Variants in SORCS1 observed in about 807,000 individuals in gnomAD.
SORCS1 encodes the protein VPS10 domain-containing receptor SorCS1.
In SORCS1, 60 loss-of-function variants were observed where a neutral mutation model predicts 146.1. The observed-to-expected ratio is 0.41, with a 90% CI of 0.33 to 0.51. SORCS1 has a LOEUF of 0.51. Among genes scored for constraint, SORCS1 ranks in the 20% least tolerant of loss-of-function variants. SORCS1 has a pLI of 0.21. For missense variants in SORCS1, 1,352 were observed against 1,487.6 expected, an observed-to-expected ratio of 0.91 and a Z score of 1.50; for synonymous variants, 637 against 584.0, an observed-to-expected ratio of 1.09 and a Z score of -1.31.
At chr10:106,735,162 A>AAAAAT in intron 5 of SORCS1, among the ~76,000 whole-genome samples, 2 of 151,700 alleles carry the variant, frequency 1.3e-5, no homozygotes, top group Admixed American at 6.6e-5. Context: ...AAAAAAAAAA[A>AAAAAT]TTCTTGACAT....
intron 1 of SORCS1, among the ~76,000 whole-genome samples, chr10:107,075,704 T>C (rs916267518): frequency 2.0e-5 from 3 of 152,070 alleles, no homozygotes; most frequent in Admixed American, 6.5e-5. Flanking sequence ...TAAAAATATA[T>C]ATATGGGTAG....
At position 107,164,676 on chromosome 10, in the gene SORCS1, G is replaced by T; in HGVS notation, c.-150C>A. ...GGGCGGGCGGAGGCGGCGCCGGGCA[G>T]GTGGCGGCCGCTTGCCCGGGCTGGG... is the stretch of plus-strand genomic sequence containing the variant. On this transcript the variant is annotated 5_prime_UTR_variant, in exon 1 of 26. The change creates a new upstream start codon in the 5' untranslated region. Coordinates refer to ENST00000263054, the MANE Select transcript of SORCS1 (RefSeq NM_052918.5). The surrounding 1 kb of genome is among the most constrained non-coding windows in gnomAD (Gnocchi z 6.8). The T allele has an allele frequency of 1.7e-6, 1 of 580,988 alleles. No homozygotes were observed. The highest frequency in any genetic ancestry group is 2.5e-6 in the Non-Finnish European group (1 of 393,684). The allele number at this position is 580,988 out of a possible 1,614,324, so 36.0% of individuals were successfully genotyped here. A position where few individuals can be genotyped will look rare whatever the true frequency, so the allele number is the denominator to read the frequency against.
chr10:107,002,414 A>G (rs890598975), intron 1 of SORCS1, among the ~76,000 whole-genome samples: 8 of 152,146 alleles, frequency 5.3e-5, no homozygotes, highest in African/African-American at 1.9e-4. Flanking sequence ...CCTACCTGAG[A>G]CTAATTTAGG....
intron 2 of SORCS1, among the ~76,000 whole-genome samples, chr10:106,935,306 C>A (rs1181267633): frequency 6.6e-6 from 1 of 152,000 alleles, no homozygotes; most frequent in Admixed American, 6.6e-5. Flanking sequence ...TTATTATTAT[C>A]CCTAATATAG....
chr10:107,151,664 C>A (rs1968809837), intron 1 of SORCS1, among the ~76,000 whole-genome samples: 1 of 152,164 alleles, frequency 6.6e-6, no homozygotes, highest in Non-Finnish European at 1.5e-5. Flanking sequence ...AGATACAATT[C>A]TAGTGGAGAT....
At chr10:106,860,163 T>C (rs1448931087) in intron 2 of SORCS1, among the ~76,000 whole-genome samples, 1 of 152,218 alleles carries the variant, frequency 6.6e-6, no homozygotes, top group Non-Finnish European at 1.5e-5. Context: ...CAAATGCATA[T>C]GCAAAATGTA....
chr10:106,883,949 T>A (rs2137766582), intron 2 of SORCS1, among the ~76,000 whole-genome samples: 1 of 152,306 alleles, frequency 6.6e-6, no homozygotes, highest in Non-Finnish European at 1.5e-5. Flanking sequence ...AATACACCCA[T>A]AGCTAGAGTT....
intron 2 of SORCS1, among the ~76,000 whole-genome samples, chr10:106,906,174 G>A (rs1182848296): frequency 6.6e-6 from 1 of 152,214 alleles, no homozygotes; most frequent in East Asian, 1.9e-4. Context: ...GAGGGCACTG[G>A]CATGCTCTCG....
chr10:106,903,311 A>G (rs577037680), intron 2 of SORCS1, among the ~76,000 whole-genome samples: 88 of 152,302 alleles, frequency 5.8e-4, no homozygotes, highest in Admixed American at 1.4e-3. Flanking sequence ...TTAAAATGGC[A>G]GTTGACAAGT....
chr10:107,093,090 G>T (rs1379795640), intron 1 of SORCS1, among the ~76,000 whole-genome samples: 1 of 152,112 alleles, frequency 6.6e-6, no homozygotes, highest in Non-Finnish European at 1.5e-5. Flanking sequence ...AATTCTTCAA[G>T]ATTCCATTGC....
At chr10:106,764,312 C>T (rs543397909) in intron 4 of SORCS1, among the ~76,000 whole-genome samples, 3 of 152,356 alleles carry the variant, frequency 2.0e-5, no homozygotes, top group Admixed American at 6.5e-5. Flanking sequence ...AAAACAACAA[C>T]TCTGCCATTC....
chr10:106,689,646 T>A (rs957705660), intron 9 of SORCS1, among the ~76,000 whole-genome samples: 2 of 152,184 alleles, frequency 1.3e-5, no homozygotes, highest in African/African-American at 4.8e-5. Flanking sequence ...AGCATTTTAT[T>A]TACAAAACCT....
intron 2 of SORCS1, among the ~76,000 whole-genome samples, chr10:106,916,535 T>C (rs1952435268): frequency 6.8e-6 from 1 of 146,982 alleles, no homozygotes; most frequent in Admixed American, 6.8e-5. Context: ...TAATTATGTG[T>C]ATCTATGCAC....
intron 1 of SORCS1, among the ~76,000 whole-genome samples, chr10:106,971,420 G>T: frequency 6.6e-6 from 1 of 152,164 alleles, no homozygotes; most frequent in East Asian, 1.9e-4. Context: ...ACATGTTTCA[G>T]TTACATGAGC....
chr10:106,709,174 A>G, intron 7 of SORCS1, 49 bp downstream of exon 7: 1 of 1,424,074 alleles, frequency 7.0e-7, no homozygotes, highest in Non-Finnish European at 9.9e-7. Context: ...GACAGAAACA[A>G]GGAAAAGAAA....
At chr10:106,911,134 T>G (rs1412050591) in intron 2 of SORCS1, among the ~76,000 whole-genome samples, 1 of 152,260 alleles carries the variant, frequency 6.6e-6, no homozygotes, top group African/African-American at 2.4e-5. Context: ...AGTCAAAGTA[T>G]TCTGTAAACT....
At chr10:106,593,929 T>G (rs191113212) in intron 24 of SORCS1, among the ~76,000 whole-genome samples, 15 of 152,340 alleles carry the variant, frequency 9.8e-5, no homozygotes, top group African/African-American at 3.6e-4. Context: ...CTTCCGAAAC[T>G]CCTAGTTATA....
At chr10:106,880,968 T>C (rs1455127270) in intron 2 of SORCS1, among the ~76,000 whole-genome samples, 2 of 149,916 alleles carry the variant, frequency 1.3e-5, no homozygotes, top group South Asian at 2.1e-4. Flanking sequence ...CAGGCGCCTG[T>C]AGTCCCAGCT....
At chr10:106,758,734 T>C (rs1031597996) in intron 5 of SORCS1, among the ~76,000 whole-genome samples, 1 of 151,902 alleles carries the variant, frequency 6.6e-6, no homozygotes, top group South Asian at 2.1e-4. Flanking sequence ...GATACAAAAT[T>C]AGTAAGAGAG....
Sources: gnomAD v4.1 joint callset for allele counts (sites outside exome capture counted in the v4.1 genomes callset) on GRCh38, gnomAD v4.1.1 for gene constraint, Gnocchi (gnomAD v3.1) non-coding constraint, MANE v1.5 for transcripts, NCBI Gene and HGNC (gene_info 2026-07-23, HGNC 2026-07-21) for gene names.